The following THSD7B variants were observed in gnomAD, a reference collection of about 807,000 sequenced individuals.
THSD7B encodes the protein thrombospondin type 1 domain containing 7B.
THSD7B carries 138 observed loss-of-function variants against 213.6 expected under a neutral mutation model. The observed-to-expected ratio is 0.65, with a 90% CI of 0.56 to 0.74. THSD7B has a LOEUF of 0.74. Ranked by LOEUF, THSD7B falls within the 30% of genes least tolerant of loss-of-function variation. The pLI is 0.00. For missense variants in THSD7B, 1,931 were observed against 1,991.5 expected (o/e 0.97, Z 0.58); for synonymous variants, 742 against 687.0 (o/e 1.08, Z -1.25).
chr2:137,377,123 C>T (rs184841727), intron 12 of THSD7B, among the ~76,000 whole-genome samples: 61 of 152,000 alleles, frequency 4.0e-4, no homozygotes, highest in African/African-American at 1.5e-3. Context: ...GCATTTTTTC[C>T]GTATGTGGTG....
intron 17 of THSD7B, among the ~76,000 whole-genome samples, chr2:137,588,547 A>T (rs1050611596): frequency 6.8e-6 from 1 of 148,014 alleles, no homozygotes; most frequent in Non-Finnish European, 1.5e-5. Context: ...TTCTGATTCC[A>T]TTTTAGCATT....
intron 15 of THSD7B, among the ~76,000 whole-genome samples, chr2:137,536,873 C>T (rs1379032941): frequency 6.6e-6 from 1 of 151,642 alleles, no homozygotes; most frequent in Non-Finnish European, 1.5e-5. Flanking sequence ...CAAGAAATTA[C>T]CCATTATAAT....
intron 20 of THSD7B, among the ~76,000 whole-genome samples, chr2:137,640,073 G>C (rs547912807): frequency 1.3e-5 from 2 of 152,278 alleles, no homozygotes; most frequent in Non-Finnish European, 2.9e-5. Context: ...GGGGCAGAAT[G>C]ATATGGTTTG....
At chr2:137,585,184 A>G (rs1325607419) in intron 17 of THSD7B, among the ~76,000 whole-genome samples, 1 of 152,066 alleles carries the variant, frequency 6.6e-6, no homozygotes, top group East Asian at 1.9e-4. Flanking sequence ...CAGTGGTGAT[A>G]TCCTTTTTAT....
chr2:136,853,499 C>G (rs1683130633), intron 1 of THSD7B, among the ~76,000 whole-genome samples: 1 of 152,128 alleles, frequency 6.6e-6, no homozygotes, highest in African/African-American at 2.4e-5. Flanking sequence ...GTTGCTTAAT[C>G]TCAGGAGGCA....
chr2:136,879,471 G>C (rs1273635256), intron 1 of THSD7B, among the ~76,000 whole-genome samples: 1 of 152,196 alleles, frequency 6.6e-6, no homozygotes, highest in African/African-American at 2.4e-5. Flanking sequence ...TTGGTAGCTT[G>C]ATGGGGATGG....
In THSD7B at chr2:137,056,977, C is replaced by A; in HGVS notation, c.697C>A (p.Pro233Thr). 1 of 1,613,912 alleles carries A rather than the reference C, an allele frequency of 6.2e-7. No homozygotes were observed. The highest frequency in any genetic ancestry group is 8.5e-7 in the Non-Finnish European group (1 of 1,179,872). The change falls in exon 3 of 28, where the codon CCT (proline) becomes ACT (threonine). Residue 233 changes from proline (P) to threonine (T), a missense_variant. By Grantham distance (38) the Pro-to-Thr change is conservative. Transcript: ENST00000409968. Reference sequence around the variant, plus strand: ...AGCCTGTGATGCTCCCATTTCCTGTCCTCTTGGGGAAGAGGAATATACATT... The same window carrying A: ...AGCCTGTGATGCTCCCATTTCCTGTACTCTTGGGGAAGAGGAATATACATT... ...SRACDAPISC[P>T]LGEEEYTFSL...
chr2:136,806,929 C>T (rs1336136845), intron 1 of THSD7B, among the ~76,000 whole-genome samples: 4 of 152,094 alleles, frequency 2.6e-5, no homozygotes, highest in Non-Finnish European at 5.9e-5. Flanking sequence ...TTGTAGAATG[C>T]TCTTTATTTG....
At chr2:137,299,007 T>A (rs1683533469) in intron 12 of THSD7B, among the ~76,000 whole-genome samples, 1 of 151,976 alleles carries the variant, frequency 6.6e-6, no homozygotes, top group Non-Finnish European at 1.5e-5. Flanking sequence ...CCCAGAATGG[T>A]ACATCTACCG....
intron 1 of THSD7B, among the ~76,000 whole-genome samples, chr2:136,876,706 C>G (rs774158296): frequency 6.6e-6 from 1 of 152,098 alleles, no homozygotes; most frequent in Non-Finnish European, 1.5e-5. Flanking sequence ...ATAAAAATGT[C>G]TCATCTATTG....
At chr2:136,954,560 CA>C (rs367945598) in intron 2 of THSD7B, among the ~76,000 whole-genome samples, 1 of 151,738 alleles carries the variant, frequency 6.6e-6, no homozygotes, top group African/African-American at 2.4e-5. Context: ...ACTAAAAATA[CA>C]AAAAATTAGC....
At chr2:136,938,512 G>C (rs1684768985) in intron 2 of THSD7B, among the ~76,000 whole-genome samples, 1 of 151,758 alleles carries the variant, frequency 6.6e-6, no homozygotes, top group African/African-American at 2.4e-5. Flanking sequence ...ATTTCCCTAT[G>C]TACTGTGTAT....
At chr2:136,887,952 A>G (rs1683748175) in intron 2 of THSD7B, among the ~76,000 whole-genome samples, 2 of 152,152 alleles carry the variant, frequency 1.3e-5, no homozygotes, top group African/African-American at 4.8e-5. Flanking sequence ...AGAATTAAGT[A>G]AGACACTTTG....
intron 5 of THSD7B, among the ~76,000 whole-genome samples, chr2:137,156,523 C>T (rs1387484862): frequency 1.3e-5 from 2 of 152,122 alleles, no homozygotes; most frequent in Non-Finnish European, 2.9e-5. Flanking sequence ...AATTTCAAAT[C>T]TGAGGGTACC....
chr2:136,773,241 C>G (rs544566211), intron 1 of THSD7B, among the ~76,000 whole-genome samples: 1 of 152,012 alleles, frequency 6.6e-6, no homozygotes, highest in East Asian at 1.9e-4. Context: ...CGCTACTCTA[C>G]GTGGATTAAC....
chr2:137,289,557 C>A (rs1683274195), intron 12 of THSD7B, among the ~76,000 whole-genome samples: 1 of 151,630 alleles, frequency 6.6e-6, no homozygotes, highest in Non-Finnish European at 1.5e-5. Flanking sequence ...ATTGTGTAAA[C>A]AAAGACAGAA....
At chr2:137,471,531 A>G (rs1259402457) in intron 15 of THSD7B, among the ~76,000 whole-genome samples, 1 of 151,894 alleles carries the variant, frequency 6.6e-6, no homozygotes, top group East Asian at 2.0e-4. Flanking sequence ...ACTCTGTCCC[A>G]GAAACCCCAA....
intron 9 of THSD7B, among the ~76,000 whole-genome samples, chr2:137,237,149 T>G (rs909565176): frequency 6.8e-5 from 10 of 147,212 alleles, no homozygotes; most frequent in African/African-American, 2.5e-4. Context: ...AAGCCTACAG[T>G]GAGGCCAAGA....
intron 17 of THSD7B, among the ~76,000 whole-genome samples, chr2:137,599,269 A>C (rs1682029830): frequency 6.6e-6 from 1 of 151,526 alleles, no homozygotes; most frequent in Non-Finnish European, 1.5e-5. Context: ...ACATTTTCTT[A>C]ATCCAGTCTA....
Sources: gnomAD v4.1 joint callset for allele counts (sites outside exome capture counted in the v4.1 genomes callset) on GRCh38, gnomAD v4.1.1 for gene constraint, MANE v1.5 for transcripts, NCBI Gene and HGNC (gene_info 2026-07-23, HGNC 2026-07-21) for gene names.